STK31: variants seen among roughly 807,000 people sequenced by gnomAD.
The protein encoded by STK31 is serine/threonine kinase 31, also known as serine/threonine-protein kinase 31.
STK31 carries 89 observed loss-of-function variants against 129.7 expected under a neutral mutation model. The observed-to-expected ratio is 0.69, with a 90% CI of 0.58 to 0.82. The LOEUF (loss-of-function observed/expected upper bound fraction) is 0.82. Ranked by LOEUF, STK31 falls within the 40% of genes least tolerant of loss-of-function variation. STK31 has a pLI of 0.00. For missense variants in STK31, 1,187 were observed against 1,176.4 expected (o/e 1.01, Z -0.13); for synonymous variants, 448 against 395.3 (o/e 1.13, Z -1.58).
Position 23,762,886 on chromosome 7 carries a change from A to G in STK31, c.1379A>G (p.Asp460Gly). The change falls in exon 11 of 24, where the codon GAT becomes GGT. Residue 460 changes from aspartate (D) to glycine (G), a missense_variant. Physicochemically the swap from Asp to Gly is moderately conservative, Grantham distance 94. Transcript: ENST00000355870. ...MSVEDFILEV[D>G]ESSLNKRLKT... Reference sequence around the variant, plus strand: ...GTAGAAGATTTTATTCTGGAAGTTGATGAGTCATCTCTTAATAAACGCTTA... The same window carrying G: ...GTAGAAGATTTTATTCTGGAAGTTGGTGAGTCATCTCTTAATAAACGCTTA... 6.2e-7 allele frequency: 1 copy of G among 1,607,748 alleles called. No individual in the cohort carries two copies. The highest frequency in any genetic ancestry group is 8.5e-7 in the Non-Finnish European group (1 of 1,177,484).
At chr7:23,758,666 T>C (rs1789263326) in intron 10 of STK31, among the ~76,000 whole-genome samples, 3 of 152,214 alleles carry the variant, frequency 2.0e-5, no homozygotes, top group African/African-American at 7.2e-5. Context: ...TCTGGTACAT[T>C]GTCTCTTTGT....
chr7:23,765,557 A>AT lies in STK31; in HGVS notation c.1416+2634_1416+2635insT, dbSNP rs1789767288. Among the ~76,000 whole-genome samples, 5 of 68,272 alleles carry AT rather than the reference A, an allele frequency of 7.3e-5. No individual in the cohort carries two copies. In the South Asian group the frequency reaches 4.0e-3, roughly 54 times the overall value. 44.8% of individuals were successfully genotyped at this position (68,272 alleles called of 152,430 possible). ...TCTTTTTCTAACTTACACCTCTTAT[A>AT]CTTTTTTTTTTTTTTTTGAGATGGA... is the stretch of plus-strand genomic sequence containing the variant. On this transcript the variant is annotated intron_variant, in intron 11 of 23. Coordinates refer to ENST00000355870, the MANE Select transcript of STK31 (RefSeq NM_031414.5).
intron 23 of STK31, among the ~76,000 whole-genome samples, chr7:23,830,453 A>G (rs1794472531): frequency 6.6e-6 from 1 of 152,024 alleles, no homozygotes; most frequent in African/African-American, 2.4e-5. Flanking sequence ...TTTGATTTTC[A>G]ATTGTTCTAA....
chr7:23,815,562 A>T (rs1793422199), intron 23 of STK31, among the ~76,000 whole-genome samples: 1 of 152,184 alleles, frequency 6.6e-6, no homozygotes, highest in Non-Finnish European at 1.5e-5. Context: ...GTATTCAGCC[A>T]ACATATTTTG....
intron 8 of STK31, among the ~76,000 whole-genome samples, chr7:23,750,519 T>C (rs1307791684): frequency 6.6e-6 from 1 of 152,196 alleles, no homozygotes; most frequent in African/African-American, 2.4e-5. Flanking sequence ...CCCATATTAT[T>C]GTTTTAAATC....
At chr7:23,789,520 C>G (rs1584451663) in intron 21 of STK31, among the ~76,000 whole-genome samples, 1 of 151,970 alleles carries the variant, frequency 6.6e-6, no homozygotes, top group African/African-American at 2.4e-5. Context: ...TAGTGTAATG[C>G]TACTGGAGTA....
rs140405009 is a variant in STK31 at position 23,786,541 on chromosome 7, G to A, written c.2308G>A (p.Val770Met). ...YSVDVDTEAK[V>M]IERAATYHRA... ...TGTGGATGTTGACACAGAAGCCAAGGTGATTGAGAGAGCAGCCACCTACCA... is the reference window on the plus strand; with the variant it reads ...TGTGGATGTTGACACAGAAGCCAAGATGATTGAGAGAGCAGCCACCTACCA... Residue 770 changes from valine (V) to methionine (M), a missense_variant, in exon 19 of 24, where the codon GTG (valine) becomes ATG (methionine). By Grantham distance (21) the Val-to-Met change is conservative. Transcript: ENST00000355870. 1 of 1,613,720 alleles carries A rather than the reference G, an allele frequency of 6.2e-7. No homozygotes were observed. Among genetic ancestry groups the A allele is most frequent in the East Asian group, 2.2e-5 (1 of 44,834 alleles).
At chr7:23,788,992 C>T (rs931784778) in intron 21 of STK31, among the ~76,000 whole-genome samples, 1 of 152,114 alleles carries the variant, frequency 6.6e-6, no homozygotes. Flanking sequence ...CTGGAAACTA[C>T]GAATACACTT....
intron 15 of STK31, among the ~76,000 whole-genome samples, chr7:23,775,348 T>TA (rs1218657407): frequency 2.0e-5 from 3 of 152,182 alleles, no homozygotes; most frequent in Non-Finnish European, 4.4e-5. Flanking sequence ...AAAGTAGTTT[T>TA]AAAAAAATTC....
chr7:23,802,805 C>T (rs896594840), intron 22 of STK31, among the ~76,000 whole-genome samples: 6 of 152,172 alleles, frequency 3.9e-5, no homozygotes, highest in African/African-American at 1.4e-4. Flanking sequence ...TGAGCCACTG[C>T]GCCTGGCTGC....
At chr7:23,741,047 T>G (rs902100287) in intron 8 of STK31, among the ~76,000 whole-genome samples, 12 of 152,236 alleles carry the variant, frequency 7.9e-5, no homozygotes, top group Admixed American at 7.8e-4. Flanking sequence ...CTAATGAATT[T>G]TAAACATATT....
In STK31 at chr7:23,735,889, T is replaced by C. The variant is rs754091852; in HGVS notation, c.835T>C (p.Phe279Leu). The change falls in exon 7 of 24, where the codon TTT (phenylalanine) becomes CTT (leucine). Residue 279 changes from phenylalanine (F) to leucine (L), a missense_variant. Phe to Leu is a conservative substitution (Grantham distance 22, BLOSUM62 0). Coordinates refer to ENST00000355870, the MANE Select transcript of STK31 (RefSeq NM_031414.5). ...DENDAGNLITFPKESLAVGDF... is the reference protein window; with the variant it reads ...DENDAGNLITLPKESLAVGDF... ...AAATGATGCAGGCAATCTTATAACA[T>C]TTCCAAAGTAAGAATTTAGTCTTCA... 1 of 1,568,832 alleles carries C rather than the reference T, an allele frequency of 6.4e-7. No individual in the cohort carries two copies. The highest frequency in any genetic ancestry group is 8.6e-7 in the Non-Finnish European group (1 of 1,158,166).
At chr7:23,749,741 A>G (rs1788581614) in intron 8 of STK31, among the ~76,000 whole-genome samples, 1 of 152,142 alleles carries the variant, frequency 6.6e-6, no homozygotes, top group South Asian at 2.1e-4. Context: ...TGTAAGATGT[A>G]CGCGGGAGTG....
chr7:23,729,764 C>A (rs1378009160), intron 6 of STK31, among the ~76,000 whole-genome samples: 2 of 152,088 alleles, frequency 1.3e-5, no homozygotes, highest in East Asian at 3.8e-4. Flanking sequence ...CCCACCTTGG[C>A]CTTCCAAAGT....
intron 4 of STK31, among the ~76,000 whole-genome samples, chr7:23,718,803 A>G (rs1786510746): frequency 6.6e-6 from 1 of 152,064 alleles, no homozygotes; most frequent in Admixed American, 6.6e-5. Flanking sequence ...AACTGCCGTG[A>G]AATCCTTATA....
Position 23,735,608 on chromosome 7 carries a change from A to T in STK31, c.554A>T (p.Asp185Val). ...IKMRIKATSE[D>V]GTVIAQAEYG... ...ATGAGAATTAAAGCAACCTCTGAAGATGGAACAGTTATTGCTCAGGCTGAG... is the reference window on the plus strand; with the variant it reads ...ATGAGAATTAAAGCAACCTCTGAAGTTGGAACAGTTATTGCTCAGGCTGAG... The change falls in exon 7 of 24, where the codon GAT (aspartate) becomes GTT (valine). Residue 185 changes from aspartate to valine, a missense_variant. Transcript: ENST00000355870. The T allele has an allele frequency of 6.2e-7, 1 of 1,613,946 alleles. No homozygotes were observed.
At chr7:23,795,813 A>T (rs1221351674) in intron 22 of STK31, among the ~76,000 whole-genome samples, 2 of 152,236 alleles carry the variant, frequency 1.3e-5, no homozygotes, top group Non-Finnish European at 2.9e-5. Flanking sequence ...AATTTGCATG[A>T]GGCCTGTAGC....
At chr7:23,721,361 C>T (rs144463814) in intron 4 of STK31, 19 of 821,784 alleles carry the variant, frequency 2.3e-5, no homozygotes, top group East Asian at 1.2e-4. Flanking sequence ...GAAGGGGCAG[C>T]GTTGTGATTT....
intron 10 of STK31, among the ~76,000 whole-genome samples, chr7:23,756,410 G>T (rs1474186950): frequency 1.3e-5 from 2 of 152,164 alleles, no homozygotes; most frequent in Non-Finnish European, 2.9e-5. Flanking sequence ...AGACGATGGG[G>T]ATTTCTAAAT....
Sources: allele counts gnomAD v4.1 joint callset (sites outside exome capture counted in the v4.1 genomes callset), GRCh38; gene constraint gnomAD v4.1.1; transcripts MANE v1.5; gene names NCBI Gene and HGNC (gene_info 2026-07-23, HGNC 2026-07-21).